The following SLC38A10 variants were observed in gnomAD, a reference collection of about 807,000 sequenced individuals.
The protein encoded by SLC38A10 is Sodium-coupled neutral amino acid transporter 10.
A neutral mutation model predicts 81.0 loss-of-function variants in SLC38A10; 53 were observed. That is an observed-to-expected ratio of 0.65 (90% CI 0.53 to 0.82). The LOEUF is 0.82. Ranked by LOEUF, SLC38A10 falls within the 40% of genes least tolerant of loss-of-function variation. The pLI is 0.00. For missense variants in SLC38A10, 1,471 were observed against 1,545.0 expected (o/e 0.95, Z 0.80); for synonymous variants, 665 against 655.3 (o/e 1.01, Z -0.23).
rs912932438 is a variant in SLC38A10, at chr17:81,265,701, C to T, written c.1131+5217G>A. On this transcript the variant is annotated intron_variant, in intron 10 of 15. Transcript: ENST00000374759. The surrounding 1 kb of genome is among the most constrained non-coding windows in gnomAD (Gnocchi z 4.2). ...GCCCCTCCGTGGGCGCAGCCGGAGC[C>T]CCTGGGACAGTGGCCACGCCGAGAT... Among the ~76,000 whole-genome samples the T allele has an allele frequency of 6.6e-6, 1 of 152,230 alleles. No individual in the cohort carries two copies. The highest frequency in any genetic ancestry group is 1.5e-5 in the Non-Finnish European group (1 of 68,038).
intron 3 of SLC38A10, 47 bp downstream of exon 3, chr17:81,284,801 GTC>G (rs780752625): frequency 1.4e-6 from 2 of 1,434,050 alleles, no homozygotes; most frequent in South Asian, 2.7e-5. Flanking sequence ...GGTCCCCAGT[GTC>G]TGGGTGCGGG....
chr17:81,245,635 CG>C lies in SLC38A10; in HGVS notation c.3280del (p.Arg1094AlafsTer32). On this transcript the variant is annotated frameshift_variant, in exon 16 of 16. Coordinates refer to ENST00000374759, the MANE Select transcript of SLC38A10 (RefSeq NM_001037984.3). LOFTEE classifies it low-confidence loss of function (END_TRUNC). ...CTGCAGAGCTCCCCCCGCAGCCTGG[CG>C]GAGCTGGGCATCCAGGGCGCCACGG... Reference protein sequence around the residue: ...DLRGALDAQLRQAAGGALQVV... With the variant: ...DLRGALDAQLXQAAGGALQVV... The C allele has an allele frequency of 6.2e-7, 1 of 1,612,220 alleles. No individual in the cohort carries two copies. Among genetic ancestry groups the C allele is most frequent in the East Asian group, 2.2e-5 (1 of 44,868 alleles).
At chr17:81,294,798 T>C (rs1270725824) in intron 1 of SLC38A10, 25 bp downstream of exon 1, 26 of 1,558,102 alleles carry the variant, frequency 1.7e-5, no homozygotes, top group Non-Finnish European at 2.3e-5. Context: ...GCGAGGGCGG[T>C]GATCTCCGGG....
rs148839521 is a variant in SLC38A10, at chr17:81,276,994, T to A, written c.729+37A>T. 2.3e-4 allele frequency: 370 copies of A among 1,597,472 alleles called. No homozygotes were observed. Among genetic ancestry groups the A allele is most frequent in the Non-Finnish European group, 2.9e-4 (335 of 1,165,440 alleles). On this transcript the variant is annotated intron_variant, in intron 7 of 15. Coordinates refer to ENST00000374759, the MANE Select transcript of SLC38A10 (RefSeq NM_001037984.3). This position sits in a 1 kb window ranked among gnomAD's most constrained non-coding sequence, Gnocchi z 4.7. ...GGCACCACGGCACATCATGCTGGCA[T>A]GACACAGGGGCGGAGAGGGCGTGGC... is the stretch of plus-strand genomic sequence containing the variant.
intron 11 of SLC38A10, 90 bp downstream of exon 11, chr17:81,260,148 G>C: frequency 1.4e-6 from 2 of 1,456,922 alleles, no homozygotes; most frequent in Non-Finnish European, 1.8e-6. Flanking sequence ...AGAGGCCACT[G>C]AGCAGGTAAG....
Position 81,294,465 on chromosome 17 carries a change from A to T in SLC38A10, c.99+358T>A, listed in dbSNP as rs946389348. Among the ~76,000 whole-genome samples the T allele has an allele frequency of 3.3e-5, 5 of 152,318 alleles. No homozygotes were observed. In the East Asian group the frequency reaches 9.6e-4, roughly 29 times the overall value. ...GTTGTGTGCTTCTGAAGACAGGTGC[A>T]GTTGGGTCAGAGTTTTTAAAAACAC... On this transcript the variant is annotated intron_variant, in intron 1 of 15. Transcript: ENST00000374759.
intron 11 of SLC38A10, among the ~76,000 whole-genome samples, chr17:81,255,021 C>T (rs995158563): frequency 6.6e-6 from 1 of 152,254 alleles, no homozygotes; most frequent in Non-Finnish European, 1.5e-5. Flanking sequence ...TTCCTCAGGC[C>T]GTGAATGACC....
At chr17:81,252,067 G>T in intron 13 of SLC38A10, 128 bp downstream of exon 13, 1 of 1,344,048 alleles carries the variant, frequency 7.4e-7, no homozygotes, top group Non-Finnish European at 9.9e-7. Flanking sequence ...CGCTCCATTT[G>T]CATGCTAATC....
chr17:81,251,392 G>A, intron 14 of SLC38A10, 101 bp downstream of exon 14: 1 of 1,612,264 alleles, frequency 6.2e-7, no homozygotes, highest in Admixed American at 1.7e-5. Context: ...AGGGGGGCCT[G>A]GCAGGGCTCC....
intron 8 of SLC38A10, among the ~76,000 whole-genome samples, chr17:81,274,843 A>G (rs1307632452): frequency 6.6e-6 from 1 of 152,242 alleles, no homozygotes; most frequent in Non-Finnish European, 1.5e-5. Context: ...AAAGTTTCTT[A>G]GAAAGAACTA....
At chr17:81,271,979 G>A (rs144378561) in intron 9 of SLC38A10, among the ~76,000 whole-genome samples, 4,718 of 151,484 alleles carry the variant, frequency 0.031, 148 homozygotes, top group African/African-American at 0.082. Context: ...CGCCCGCCTC[G>A]GCCTCCCAAA....
Position 81,276,943 on chromosome 17 carries a change from G to C in SLC38A10, c.729+88C>G. On this transcript the variant is annotated intron_variant, in intron 7 of 15. Coordinates refer to ENST00000374759, the MANE Select transcript of SLC38A10 (RefSeq NM_001037984.3). The surrounding 1 kb of genome is among the most constrained non-coding windows in gnomAD (Gnocchi z 4.7). Reference sequence around the variant, plus strand: ...AAAAACCCAGCAGCACACAGGGCCAGGGCCATGCCTGTGGCAGTCCCACGG... The same window carrying C: ...AAAAACCCAGCAGCACACAGGGCCACGGCCATGCCTGTGGCAGTCCCACGG... The C allele has an allele frequency of 7.5e-7, 1 of 1,340,470 alleles. No homozygotes were observed. Among genetic ancestry groups the C allele is most frequent in the South Asian group, 1.2e-5 (1 of 84,570 alleles). 83.0% of individuals were successfully genotyped at this position (1,340,470 alleles called of 1,614,324 possible). A position where few individuals can be genotyped will look rare whatever the true frequency, so the allele number is the denominator to read the frequency against.
Position 81,283,295 on chromosome 17 carries a change from G to C in SLC38A10, c.357+114C>G. ...AAGCCCCTAGAATGACAGCAGGCTC[G>C]ACAGAAGCTTCTCCCGACCAGCACC... On this transcript the variant is annotated intron_variant, in intron 4 of 15. Transcript: ENST00000374759. This position sits in a 1 kb window ranked among gnomAD's most constrained non-coding sequence, Gnocchi z 4.7. 1.1e-6 allele frequency: 1 copy of C among 927,862 alleles called. No individual in the cohort carries two copies. The allele number at this position is 927,862 out of a possible 1,614,324, so 57.5% of individuals were successfully genotyped here. A position where few individuals can be genotyped will look rare whatever the true frequency, so the allele number is the denominator to read the frequency against.
intron 2 of SLC38A10, 33 bp from the exon 3 acceptor site, chr17:81,284,928 A>G (rs1180208142): frequency 6.5e-7 from 1 of 1,532,474 alleles, no homozygotes; most frequent in East Asian, 2.5e-5. Context: ...ACTCAATCCA[A>G]CAGCGTGAGA....
At chr17:81,287,067 G>A (rs1362563393) in intron 2 of SLC38A10, among the ~76,000 whole-genome samples, 2 of 152,318 alleles carry the variant, frequency 1.3e-5, no homozygotes, top group East Asian at 3.9e-4. Flanking sequence ...GAAGCAGCAA[G>A]TGAGAAGGTG....
Position 81,245,306 on chromosome 17 carries a change from A to G in SLC38A10, c.*250T>C. On this transcript the variant is annotated 3_prime_UTR_variant, in exon 16 of 16. Transcript: ENST00000374759. ...GAGGCCGTTTCTCCTCACAGGCTGG[A>G]GTGAGCTCAGAGTCTAGAGGTCAGA... is the stretch of plus-strand genomic sequence containing the variant. The G allele has an allele frequency of 2.2e-6, 1 of 451,642 alleles. No individual in the cohort carries two copies. Among genetic ancestry groups the G allele is most frequent in the South Asian group, 4.3e-5 (1 of 23,504 alleles). The allele number at this position is 451,642 out of a possible 1,614,324, so 28.0% of individuals were successfully genotyped here.
chr17:81,284,836 A>C lies in SLC38A10; in HGVS notation c.263+14T>G. 2 of 1,299,430 alleles carry C rather than the reference A, an allele frequency of 1.5e-6. No homozygotes were observed. Among genetic ancestry groups the C allele is most frequent in the Non-Finnish European group, 2.1e-6 (2 of 972,000 alleles). The allele number at this position is 1,299,430 out of a possible 1,614,324, so 80.5% of individuals were successfully genotyped here. On this transcript the variant is annotated intron_variant, in intron 3 of 15. Transcript: ENST00000374759. ...GGGGGTGGGGGGCAAGCGCAGCGGC[A>C]GGGCGGGGCTTACCTGGTCTCCACC...
At chr17:81,259,406 CG>C (rs1204057951) in intron 11 of SLC38A10, among the ~76,000 whole-genome samples, 2 of 152,200 alleles carry the variant, frequency 1.3e-5, no homozygotes, top group Non-Finnish European at 2.9e-5. Flanking sequence ...ACCCAGCTGT[CG>C]TCAGAGGCAG....
intron 6 of SLC38A10, chr17:81,280,008 C>T (rs1241286017): frequency 4.2e-5 from 15 of 360,756 alleles, no homozygotes; most frequent in East Asian, 2.4e-4. Flanking sequence ...CCCCGCATGC[C>T]GATGGTCTTT....
Sources: allele counts gnomAD v4.1 joint callset (sites outside exome capture counted in the v4.1 genomes callset), GRCh38; gene constraint gnomAD v4.1.1; non-coding constraint Gnocchi (gnomAD v3.1); transcripts MANE v1.5; gene names NCBI Gene and HGNC (gene_info 2026-07-23, HGNC 2026-07-21).